Variants in THAP5 observed in about 807,000 individuals in gnomAD.
THAP5 encodes the protein THAP domain containing 5.
In THAP5, 26 loss-of-function variants were observed where a neutral mutation model predicts 34.0. The observed-to-expected ratio is 0.77, with a 90% CI of 0.56 to 1.06. The LOEUF is 1.06. Ranked by LOEUF, THAP5 falls within the 50% of genes least tolerant of loss-of-function variation. The pLI is 0.00. For synonymous variants in THAP5, 125 were observed against 153.0 expected (o/e 0.82, Z 1.35); for missense variants, 394 against 452.8 (o/e 0.87, Z 1.18).
chr7:108,545,170 T>G, the THAP5 span, among the ~76,000 whole-genome samples: 1 of 152,228 alleles, frequency 6.6e-6, no homozygotes, highest in African/African-American at 2.4e-5. Context: ...AACAGTTGGA[T>G]TGCTCCATAA....
rs772182908 is a variant in THAP5 at position 108,564,286 on chromosome 7, G to A, written c.1093C>T (p.Leu365Phe). 4.3e-6 allele frequency: 7 copies of A among 1,613,756 alleles called. No individual in the cohort carries two copies. Among genetic ancestry groups the A allele is most frequent in the Admixed American group, 3.3e-5 (2 of 59,996 alleles). ...TTTTCCTGCTTTAGCTGCCTTATAA[G>A]AGCTTCCAAAGACTTCAATCTACCT... ...TLGRLKSLEA[L>F]IRQLKQENWL... The change falls in exon 3 of 3, where the codon CTT becomes TTT. Residue 365 changes from leucine to phenylalanine, a missense_variant. By Grantham distance (22) the Leu-to-Phe change is conservative. Coordinates refer to ENST00000415914, the MANE Select transcript of THAP5 (RefSeq NM_001130475.3).
chr7:108,564,630 T>A lies in THAP5; in HGVS notation c.749A>T (p.Asn250Ile). ...ATTAATTGTGCTGAATAAGAATGGA[T>A]TTTCCTGTGCTGACTTTATTTCCAT... Reference protein sequence around the residue: ...NSMEIKSAQENPFLFSTINQT... With the variant: ...NSMEIKSAQEIPFLFSTINQT... The change falls in exon 3 of 3, where the codon AAT becomes ATT. Residue 250 changes from asparagine (N) to isoleucine (I), a missense_variant. Physicochemically the swap from Asn to Ile is moderately radical, Grantham distance 149. Transcript: ENST00000415914. The A allele has an allele frequency of 6.2e-7, 1 of 1,614,008 alleles. No individual in the cohort carries two copies. Among genetic ancestry groups the A allele is most frequent in the African/African-American group, 1.3e-5 (1 of 75,058 alleles).
rs1790399519 is a variant in THAP5 at position 108,563,433 on chromosome 7, G to GA, written c.*757dup. 1 of 148,014 alleles carries GA rather than the reference G, an allele frequency of 6.8e-6. No individual in the cohort carries two copies. The highest frequency in any genetic ancestry group is 2.2e-4 in the South Asian group (1 of 4,648). The allele number at this position is 148,014 out of a possible 1,614,324, so 9.2% of individuals were successfully genotyped here. On this transcript the variant is annotated 3_prime_UTR_variant, in exon 3 of 3. Transcript: ENST00000415914. ...TGTGCCTATAATCCCAGCTACTCGGGAAGCTGAGGCAGAAGAATCACTTGA... is the reference window on the plus strand; with the variant it reads ...TGTGCCTATAATCCCAGCTACTCGGGAAAGCTGAGGCAGAAGAATCACTTGA...
At chr7:108,555,396 G>A (rs1864379023) in intron 1 of THAP5, among the ~76,000 whole-genome samples, 1 of 152,112 alleles carries the variant, frequency 6.6e-6, no homozygotes, top group Non-Finnish European at 1.5e-5. Flanking sequence ...TCAAACTCCT[G>A]ACCTCAAGCG....
At position 108,564,537 on chromosome 7, in the gene THAP5, G is replaced by C. The variant is rs1790439849; in HGVS notation, c.842C>G (p.Ser281Cys). 1 of 1,613,804 alleles carries C rather than the reference G, an allele frequency of 6.2e-7. No individual in the cohort carries two copies. Among genetic ancestry groups the C allele is most frequent in the South Asian group, 1.1e-5 (1 of 91,054 alleles). The change falls in exon 3 of 3, where the codon TCT (serine) becomes TGT (cysteine). Residue 281 changes from serine (S) to cysteine (C), a missense_variant. Physicochemically the swap from Ser to Cys is moderately radical, Grantham distance 112. Coordinates refer to ENST00000415914, the MANE Select transcript of THAP5 (RefSeq NM_001130475.3). ...VIAIFVPAEN[S>C]KPSVNSFISA... ...TATAAAAGAATTAACTGAGGGTTTA[G>C]AATTTTCAGCAGGTACAAAAATGGC...
chr7:108,566,731 C>T (rs755573679), intron 1 of THAP5, among the ~76,000 whole-genome samples: 2 of 152,044 alleles, frequency 1.3e-5, no homozygotes, highest in Non-Finnish European at 2.9e-5. Context: ...TTATATGAAA[C>T]AAATCAAATA....
chr7:108,555,706 T>TC (rs1473131013), intron 1 of THAP5, among the ~76,000 whole-genome samples: 7 of 148,560 alleles, frequency 4.7e-5, no homozygotes, highest in East Asian at 2.0e-4. Flanking sequence ...CTTTTTCTTT[T>TC]TTTTTTTTTT....
At chr7:108,545,298 T>C in the THAP5 span, among the ~76,000 whole-genome samples, 1 of 152,364 alleles carries the variant, frequency 6.6e-6, no homozygotes, top group East Asian at 1.9e-4. Flanking sequence ...TGACTTTTCA[T>C]GTCTAATAGA....
At chr7:108,553,557 T>C (rs10255934), downstream of THAP5, among the ~76,000 whole-genome samples, 4,424 of 152,318 alleles carry the variant, frequency 0.029, 200 homozygotes, top group East Asian at 0.13. Flanking sequence ...TTTCCTGTGA[T>C]TGAATTGTGA....
chr7:108,561,884 C>G (rs1864435184), downstream of THAP5, among the ~76,000 whole-genome samples: 1 of 152,118 alleles, frequency 6.6e-6, no homozygotes, highest in Non-Finnish European at 1.5e-5. Context: ...CAATAGGCAA[C>G]AGAGCAATGT....
At chr7:108,566,391 G>A (rs1790488832) in intron 1 of THAP5, among the ~76,000 whole-genome samples, 1 of 152,148 alleles carries the variant, frequency 6.6e-6, no homozygotes, top group South Asian at 2.1e-4. Context: ...AAAAAGGTTT[G>A]TATAAATTAT....
chr7:108,567,121 G>C (rs1790503209), intron 1 of THAP5, among the ~76,000 whole-genome samples: 1 of 151,900 alleles, frequency 6.6e-6, no homozygotes, highest in Non-Finnish European at 1.5e-5. Flanking sequence ...GGAAAGTCTG[G>C]GTACTCTGTA....
chr7:108,548,782 C>T, the THAP5 span, among the ~76,000 whole-genome samples: 5,289 of 152,126 alleles, frequency 0.035, 301 homozygotes, highest in African/African-American at 0.12. Flanking sequence ...AAAAGACCTC[C>T]CCCATGATTC....
At chr7:108,551,533 G>A (rs1172253770), downstream of THAP5, among the ~76,000 whole-genome samples, 1 of 152,160 alleles carries the variant, frequency 6.6e-6, no homozygotes, top group African/African-American at 2.4e-5. Flanking sequence ...AAATTACCCA[G>A]CGTCAGGCAT....
At chr7:108,569,454 G>A (rs1393315858) in intron 1 of THAP5, 36 bp downstream of exon 1, 7 of 1,551,298 alleles carry the variant, frequency 4.5e-6, no homozygotes, top group East Asian at 2.4e-5. Context: ...AAGGCCTCAC[G>A]GCGAGGCTGA....
the THAP5 span, among the ~76,000 whole-genome samples, chr7:108,548,054 A>G: frequency 6.6e-6 from 1 of 152,224 alleles, no homozygotes; most frequent in Non-Finnish European, 1.5e-5. Context: ...AGGGAATGCT[A>G]CTGCACCTTT....
Position 108,564,813 on chromosome 7 carries a change from C to A in THAP5, c.566G>T (p.Gly189Val). The change falls in exon 3 of 3, where the codon GGT (glycine) becomes GTT (valine). Residue 189 changes from glycine (G) to valine (V), a missense_variant. Coordinates refer to ENST00000415914, the MANE Select transcript of THAP5 (RefSeq NM_001130475.3). The stretch of plus-strand genomic sequence containing the variant: ...AAAACATGTGTGAAAACCACCTCTA[C>A]CTGTATCTTGGTTAACTGATGTTTC... ...TLETSVNQDT[G>V]RGGFHTCFEN... 1 of 1,613,474 alleles carries A rather than the reference C, an allele frequency of 6.2e-7. No individual in the cohort carries two copies. The highest frequency in any genetic ancestry group is 8.5e-7 in the Non-Finnish European group (1 of 1,179,640).
chr7:108,548,966 CAAACA>C, the THAP5 span, among the ~76,000 whole-genome samples: 1 of 152,148 alleles, frequency 6.6e-6, no homozygotes, highest in Admixed American at 6.5e-5. Context: ...AGCCTTATTG[CAAACA>C]AAACAAAACA....
chr7:108,556,237 C>T (rs1864384918), intron 1 of THAP5, among the ~76,000 whole-genome samples: 1 of 152,170 alleles, frequency 6.6e-6, no homozygotes, highest in Non-Finnish European at 1.5e-5. Flanking sequence ...CCTTGCCCCT[C>T]CCAAATCTCA....
Sources: gnomAD v4.1 joint callset for allele counts (sites outside exome capture counted in the v4.1 genomes callset) on GRCh38, gnomAD v4.1.1 for gene constraint, MANE v1.5 for transcripts, NCBI Gene and HGNC (gene_info 2026-07-23, HGNC 2026-07-21) for gene names.